PRKD1: variants seen among roughly 807,000 people sequenced by gnomAD.
The protein encoded by PRKD1 is protein kinase D1, also known as serine/threonine-protein kinase D1.
Under a neutral mutation model 95.9 loss-of-function variants are expected in PRKD1, and 63 were observed. That is an observed-to-expected ratio of 0.66 (90% confidence interval 0.54 to 0.81). The LOEUF is 0.81. Ranked by LOEUF, PRKD1 falls within the 30% of genes least tolerant of loss-of-function variation. The pLI, the probability that PRKD1 is intolerant of heterozygous loss-of-function variation, is 0.00. For synonymous variants in PRKD1, 425 were observed against 423.1 expected (o/e 1.00, Z -0.05); for missense variants, 1,048 against 1,165.3 (o/e 0.90, Z 1.47).
intron 1 of PRKD1, among the ~76,000 whole-genome samples, chr14:29,905,373 T>C (rs867476574): frequency 1.3e-5 from 2 of 152,134 alleles, no homozygotes; most frequent in South Asian, 4.1e-4. Flanking sequence ...CTATGGTCTA[T>C]AATCCAAAAC....
At position 29,841,453 on chromosome 14, in the gene PRKD1, T is replaced by C. The variant is rs542854717; in HGVS notation, c.264+85796A>G. 7.2e-5 allele frequency among the ~76,000 whole-genome samples: 11 copies of C among 152,306 alleles called. No individual in the cohort carries two copies. The East Asian group carries it at 2.1e-3, about 29-fold the overall frequency. On this transcript the variant is annotated intron_variant, in intron 1 of 17. Transcript: ENST00000331968. ...TGGGAAGAACCCATTGGGGGGTTAC[T>C]GAATCATGAGGGTGGGTCTTTCCCA...
At chr14:29,740,086 G>C (rs1180357460) in intron 1 of PRKD1, among the ~76,000 whole-genome samples, 1 of 152,090 alleles carries the variant, frequency 6.6e-6, no homozygotes, top group South Asian at 2.1e-4. Context: ...TACCTTGACA[G>C]ATTACTAGTT....
At chr14:29,877,240 T>C (rs969653752) in intron 1 of PRKD1, among the ~76,000 whole-genome samples, 9 of 152,202 alleles carry the variant, frequency 5.9e-5, no homozygotes, top group African/African-American at 1.9e-4. Flanking sequence ...GCAACCCTGG[T>C]ACACTGCTGG....
intron 1 of PRKD1, among the ~76,000 whole-genome samples, chr14:29,755,525 T>C (rs1465677689): frequency 6.6e-6 from 1 of 152,076 alleles, no homozygotes. Context: ...AAAAACAAAC[T>C]TACCCCTGGT....
intron 1 of PRKD1, among the ~76,000 whole-genome samples, chr14:29,802,992 T>C (rs955968937): frequency 6.6e-6 from 1 of 152,210 alleles, no homozygotes; most frequent in African/African-American, 2.4e-5. Context: ...TTCTGGAACT[T>C]AAAATCTGAG....
chr14:29,644,280 T>A (rs933634034), intron 4 of PRKD1, among the ~76,000 whole-genome samples: 9 of 152,240 alleles, frequency 5.9e-5, no homozygotes, highest in African/African-American at 2.2e-4. Flanking sequence ...TGTACTTGTC[T>A]GCCTGCTCCT....
chr14:29,926,050 A>C (rs1437252552), intron 1 of PRKD1, among the ~76,000 whole-genome samples: 1 of 152,232 alleles, frequency 6.6e-6, no homozygotes, highest in Non-Finnish European at 1.5e-5. Context: ...ATTTCCATAA[A>C]TAAATTCCTG....
chr14:29,894,348 T>C (rs1338214910), intron 1 of PRKD1, among the ~76,000 whole-genome samples: 4 of 152,232 alleles, frequency 2.6e-5, no homozygotes, highest in Non-Finnish European at 2.9e-5. Flanking sequence ...ATGTCCTGAA[T>C]TGTGACTTTG....
chr14:29,603,768 G>A (rs761817281), intron 13 of PRKD1, among the ~76,000 whole-genome samples: 2 of 152,112 alleles, frequency 1.3e-5, no homozygotes, highest in Non-Finnish European at 2.9e-5. Flanking sequence ...AAAGAGTTTT[G>A]CCCAACTTCT....
At chr14:29,893,077 T>C (rs1301569732) in intron 1 of PRKD1, among the ~76,000 whole-genome samples, 2 of 152,184 alleles carry the variant, frequency 1.3e-5, no homozygotes, top group African/African-American at 2.4e-5. Context: ...TTTCCTAGGA[T>C]ACAATTCAAA....
chr14:29,666,950 A>G (rs1375510020), intron 2 of PRKD1, among the ~76,000 whole-genome samples: 1 of 152,206 alleles, frequency 6.6e-6, no homozygotes, highest in Non-Finnish European at 1.5e-5. Context: ...CATACAGGAT[A>G]TTAAAATCCA....
intron 1 of PRKD1, among the ~76,000 whole-genome samples, chr14:29,774,232 G>C (rs1191747881): frequency 6.6e-6 from 1 of 152,172 alleles, no homozygotes; most frequent in East Asian, 1.9e-4. Context: ...CACTTGAAGA[G>C]GGAGGATGGG....
In PRKD1 at chr14:29,864,612, C is replaced by G. The variant is rs45626435; in HGVS notation, c.264+62637G>C. On this transcript the variant is annotated intron_variant, in intron 1 of 17. Coordinates refer to ENST00000331968, the MANE Select transcript of PRKD1 (RefSeq NM_002742.3). ...AAAGAATAGACATTCTAAATGTTCC[C>G]TTCCACACAGAAAGACATAAGAGAG... Among the ~76,000 whole-genome samples, 447 of 152,150 alleles carry G rather than the reference C, an allele frequency of 2.9e-3. 4 individuals carry two copies. Among genetic ancestry groups the G allele is most frequent in the Non-Finnish European group, 4.8e-3 (324 of 67,950 alleles).
intron 1 of PRKD1, among the ~76,000 whole-genome samples, chr14:29,770,536 A>G (rs534036404): frequency 6.6e-6 from 1 of 152,320 alleles, no homozygotes; most frequent in South Asian, 2.1e-4. Context: ...AGAAGTGAAG[A>G]GTGTGGTATT....
intron 1 of PRKD1, among the ~76,000 whole-genome samples, chr14:29,906,953 A>G (rs574221728): frequency 1.1e-4 from 16 of 152,324 alleles, no homozygotes; most frequent in Non-Finnish European, 2.2e-4. Context: ...TATTATTCGC[A>G]TAATTTTGTT....
chr14:29,656,433 A>C, intron 4 of PRKD1: 1 of 1,497,928 alleles, frequency 6.7e-7, no homozygotes, highest in Non-Finnish European at 9.0e-7. Context: ...TTTGAAAAAG[A>C]CAGTGAAGCA....
chr14:29,851,659 T>C (rs1892311625), intron 1 of PRKD1, among the ~76,000 whole-genome samples: 1 of 152,216 alleles, frequency 6.6e-6, no homozygotes, highest in Non-Finnish European at 1.5e-5. Context: ...TCAGCCACTG[T>C]GGAAAGCAGT....
intron 1 of PRKD1, among the ~76,000 whole-genome samples, chr14:29,884,541 CT>C (rs1468147277): frequency 1.3e-5 from 2 of 152,110 alleles, no homozygotes; most frequent in African/African-American, 2.4e-5. Flanking sequence ...TGTGTAAGAA[CT>C]TTACATATAA....
intron 1 of PRKD1, among the ~76,000 whole-genome samples, chr14:29,795,662 A>G (rs1889781502): frequency 6.6e-6 from 1 of 152,140 alleles, no homozygotes; most frequent in Non-Finnish European, 1.5e-5. Flanking sequence ...CCAACTAAGA[A>G]ATAATGATAA....
Sources: gnomAD v4.1 joint callset for allele counts (sites outside exome capture counted in the v4.1 genomes callset) on GRCh38, gnomAD v4.1.1 for gene constraint, MANE v1.5 for transcripts, NCBI Gene and HGNC (gene_info 2026-07-23, HGNC 2026-07-21) for gene names.